Variants in VWA8 observed in about 807,000 individuals in gnomAD.
VWA8 encodes the protein von Willebrand factor A domain-containing protein 8.
Under a neutral mutation model 241.5 loss-of-function variants are expected in VWA8, and 221 were observed. The ratio of observed to expected loss-of-function variants is 0.91; its 90% confidence interval spans 0.82 to 1.02. VWA8 has a LOEUF of 1.02. Among genes scored for constraint, VWA8 ranks in the 50% least tolerant of loss-of-function variants. The probability of loss-of-function intolerance (pLI) is 0.00; values close to 1 mark genes in which losing one functional copy is unlikely to be tolerated. For missense variants in VWA8, 2,322 were observed against 2,328.7 expected (o/e 1.00, Z 0.06); for synonymous variants, 852 against 827.1 (o/e 1.03, Z -0.52).
At position 41,575,767 on chromosome 13, in the gene VWA8, G is replaced by A. The variant is rs759699781; in HGVS notation, c.5343C>T (p.Asp1781=). The change falls in exon 43 of 45, where the codon GAC becomes GAT. Residue 1781 remains aspartate, a synonymous_variant. Transcript: ENST00000379310. ...GLVPMNKIPK[D]NKQRLEILKT... is the part of the protein sequence containing the mutation. ...TCAGAATTTCTAGTCTTTGCTTATT[G>A]TCCTTGGGGATTTTGTTCATTGGAA... 6.2e-7 allele frequency: 1 copy of A among 1,612,970 alleles called. No individual in the cohort carries two copies. The highest frequency in any genetic ancestry group is 8.5e-7 in the Non-Finnish European group (1 of 1,179,726).
At chr13:41,890,025 A>G (rs1197819468) in intron 5 of VWA8, among the ~76,000 whole-genome samples, 1 of 152,240 alleles carries the variant, frequency 6.6e-6, no homozygotes, top group Non-Finnish European at 1.5e-5. Context: ...ACTTGATTAA[A>G]TCCTTGATTA....
Position 41,712,123 on chromosome 13 carries a change from G to T in VWA8, c.3116+7468C>A, listed in dbSNP as rs563537121. On this transcript the variant is annotated intron_variant, in intron 26 of 44. Coordinates refer to ENST00000379310, the MANE Select transcript of VWA8 (RefSeq NM_015058.2). ...TGGGTGGGAGGGGCTTATGAAGAGA[G>T]GTTGGTTGATGGGTACTAAAATACA... Among the ~76,000 whole-genome samples the T allele has an allele frequency of 3.3e-5, 5 of 152,124 alleles. No homozygotes were observed. In the East Asian group the frequency reaches 9.7e-4, roughly 29 times the overall value.
chr13:41,719,299 G>T, intron 26 of VWA8: 2 of 1,142,812 alleles, frequency 1.8e-6, no homozygotes, highest in South Asian at 2.0e-5. Context: ...ATACGAAATA[G>T]TAATACGCAT....
intron 37 of VWA8, among the ~76,000 whole-genome samples, chr13:41,662,711 TAA>T (rs2044959109): frequency 2.0e-5 from 3 of 152,112 alleles, no homozygotes. Context: ...GATTATACTT[TAA>T]GTTTTAGGGT....
At chr13:41,787,293 T>C in intron 18 of VWA8, 144 bp downstream of exon 18, 1 of 610,936 alleles carries the variant, frequency 1.6e-6, no homozygotes, top group Non-Finnish European at 2.7e-6. Context: ...ATCAGATTCA[T>C]TTCTTCAAAC....
chr13:41,687,589 T>C (rs531983316), intron 34 of VWA8, among the ~76,000 whole-genome samples: 2 of 152,252 alleles, frequency 1.3e-5, no homozygotes, highest in African/African-American at 4.8e-5. Context: ...TTGCTTATAA[T>C]CTTTGTGGCC....
At chr13:41,732,005 C>T in intron 22 of VWA8, 75 bp downstream of exon 22, 1 of 1,297,046 alleles carries the variant, frequency 7.7e-7, no homozygotes, top group Non-Finnish European at 1.1e-6. Context: ...CATGAGAGTT[C>T]CATCCTCCAA....
intron 36 of VWA8, 60 bp downstream of exon 36, chr13:41,675,155 G>T: frequency 1.6e-6 from 2 of 1,271,922 alleles, no homozygotes; most frequent in South Asian, 1.3e-5. Flanking sequence ...AGAGTACTTA[G>T]CAAGAATTTA....
chr13:41,763,348 GA>G (rs2045756152), intron 20 of VWA8, among the ~76,000 whole-genome samples: 1 of 149,770 alleles, frequency 6.7e-6, no homozygotes, highest in African/African-American at 2.5e-5. Flanking sequence ...TAGATAGATA[GA>G]TAAAGTGGGA....
At chr13:41,846,844 C>G (rs1363579407) in intron 12 of VWA8, among the ~76,000 whole-genome samples, 3 of 151,976 alleles carry the variant, frequency 2.0e-5, no homozygotes, top group Non-Finnish European at 1.5e-5. Context: ...CAAGACCAGC[C>G]CGGCCAACAT....
chr13:41,737,334 A>G (rs1364477632), intron 21 of VWA8, among the ~76,000 whole-genome samples: 1 of 152,250 alleles, frequency 6.6e-6, no homozygotes, highest in Non-Finnish European at 1.5e-5. Flanking sequence ...GATAAAGAGG[A>G]CTAAAAAGAA....
intron 17 of VWA8, among the ~76,000 whole-genome samples, chr13:41,804,168 C>T (rs535444410): frequency 2.0e-5 from 3 of 152,140 alleles, no homozygotes; most frequent in Non-Finnish European, 4.4e-5. Context: ...TAGAGAAAGA[C>T]ATCAATATTC....
At chr13:41,894,465 A>C (rs1875004072) in intron 4 of VWA8, among the ~76,000 whole-genome samples, 1 of 152,224 alleles carries the variant, frequency 6.6e-6, no homozygotes, top group African/African-American at 2.4e-5. Flanking sequence ...CTCCACAGTC[A>C]AATGCATGCA....
intron 26 of VWA8, among the ~76,000 whole-genome samples, chr13:41,718,719 CT>C (rs1362297970): frequency 2.0e-5 from 3 of 150,608 alleles, no homozygotes; most frequent in East Asian, 3.9e-4. Context: ...ATATATGCAA[CT>C]TTTTTTGCTA....
intron 37 of VWA8, among the ~76,000 whole-genome samples, chr13:41,622,611 G>A (rs2044664541): frequency 6.6e-6 from 1 of 152,168 alleles, no homozygotes; most frequent in Non-Finnish European, 1.5e-5. Flanking sequence ...TTAGGTAAGT[G>A]TGCTATAATC....
At chr13:41,576,259 T>G (rs1593625994) in intron 42 of VWA8, among the ~76,000 whole-genome samples, 1 of 152,218 alleles carries the variant, frequency 6.6e-6, no homozygotes, top group South Asian at 2.1e-4. Context: ...ATTTCTAGAA[T>G]CTAAGAGAGT....
chr13:41,792,801 T>A (rs1039386300), intron 17 of VWA8, among the ~76,000 whole-genome samples: 2 of 152,074 alleles, frequency 1.3e-5, no homozygotes, highest in African/African-American at 4.8e-5. Flanking sequence ...ATTAGATTAT[T>A]CTTAGTTGTG....
intron 16 of VWA8, among the ~76,000 whole-genome samples, chr13:41,812,024 G>C (rs1593788920): frequency 6.6e-6 from 1 of 152,094 alleles, no homozygotes; most frequent in African/African-American, 2.4e-5. Context: ...AGATAAGTCG[G>C]TATCCTATTT....
intron 4 of VWA8, among the ~76,000 whole-genome samples, chr13:41,899,973 T>TC (rs1324594362): frequency 2.0e-5 from 3 of 152,222 alleles, no homozygotes; most frequent in African/African-American, 7.2e-5. Context: ...CCCAGTGGAT[T>TC]CTTAGCTCTA....
Sources: gnomAD v4.1 joint callset for allele counts (sites outside exome capture counted in the v4.1 genomes callset) on GRCh38, gnomAD v4.1.1 for gene constraint, MANE v1.5 for transcripts, NCBI Gene and HGNC (gene_info 2026-07-23, HGNC 2026-07-21) for gene names.